Variants in CDYL observed in about 807,000 individuals in gnomAD.
CDYL encodes chromodomain Y like, also known as chromodomain Y-like protein.
Under a neutral mutation model 47.3 loss-of-function variants are expected in CDYL, and 8 were observed. That is an observed-to-expected ratio of 0.17 (90% CI 0.10 to 0.31). The LOEUF is 0.31. CDYL is among the 10% of genes least tolerant of loss of function. The pLI is 1.00. For synonymous variants in CDYL, 266 were observed against 265.0 expected, an observed-to-expected ratio of 1.00 and a Z score of -0.04; for missense variants, 471 against 701.4, an observed-to-expected ratio of 0.67 and a Z score of 3.71.
intron 1 of CDYL, among the ~76,000 whole-genome samples, chr6:4,713,354 GTC>G (rs1757187281): frequency 6.6e-6 from 1 of 152,026 alleles, no homozygotes; most frequent in African/African-American, 2.4e-5. Flanking sequence ...AGCTAGAAAG[GTC>G]CCCAAGACGC....
At chr6:4,758,349 T>TAAAAAA (rs1274065342) in intron 3 of CDYL, among the ~76,000 whole-genome samples, 4 of 47,394 alleles carry the variant, frequency 8.4e-5, no homozygotes, top group African/African-American at 1.4e-4. Context: ...TGAAAATAAA[T>TAAAAAA]AAATATATAT....
chr6:4,920,001 A>T (rs1034960674), intron 2 of CDYL, among the ~76,000 whole-genome samples: 1 of 152,228 alleles, frequency 6.6e-6, no homozygotes, highest in East Asian at 1.9e-4. Context: ...TATCCGCAGA[A>T]TGGAATATGA....
intron 1 of CDYL, among the ~76,000 whole-genome samples, chr6:4,798,089 C>T (rs1280026956): frequency 1.3e-5 from 2 of 152,096 alleles, no homozygotes; most frequent in Non-Finnish European, 2.9e-5. Flanking sequence ...CCTCTCACCT[C>T]AGCCTCCTAG....
At chr6:4,747,602 C>G (rs1167906293) in intron 3 of CDYL, among the ~76,000 whole-genome samples, 2 of 152,068 alleles carry the variant, frequency 1.3e-5, no homozygotes, top group Non-Finnish European at 2.9e-5. Context: ...TCCTTTTTAC[C>G]TTAGAGAGCC....
chr6:4,870,755 C>G lies in CDYL; in HGVS notation c.25-20958C>G, dbSNP rs369432960. 1.1e-4 allele frequency among the ~76,000 whole-genome samples: 16 copies of G among 152,232 alleles called. No individual in the cohort carries two copies. In the East Asian group the frequency reaches 3.1e-3, roughly 29 times the overall value. ...TTGATCTCTCAAATGTTCACTGATT[C>G]TTTCTTCTGCCATTTCAAATCTACT... On this transcript the variant is annotated intron_variant, in intron 1 of 6. Transcript: ENST00000397588.
chr6:4,726,230 T>A (rs1757510127), intron 2 of CDYL, among the ~76,000 whole-genome samples: 1 of 152,024 alleles, frequency 6.6e-6, no homozygotes, highest in African/African-American at 2.4e-5. Context: ...GCAACATTTG[T>A]CTCTACAAGA....
At chr6:4,736,306 T>C (rs1757703231) in intron 3 of CDYL, among the ~76,000 whole-genome samples, 1 of 152,262 alleles carries the variant, frequency 6.6e-6, no homozygotes, top group African/African-American at 2.4e-5. Context: ...ACACGTGTGC[T>C]TTCTACTAGA....
At chr6:4,896,374 A>C (rs1762284116) in intron 2 of CDYL, among the ~76,000 whole-genome samples, 1 of 152,230 alleles carries the variant, frequency 6.6e-6, no homozygotes, top group Non-Finnish European at 1.5e-5. Flanking sequence ...TTGTTTTTCC[A>C]GACTAAATCG....
chr6:4,746,458 G>A (rs978233579), intron 3 of CDYL, among the ~76,000 whole-genome samples: 1 of 152,034 alleles, frequency 6.6e-6, no homozygotes, highest in African/African-American at 2.4e-5. Flanking sequence ...TCAAGGTAAT[G>A]CAGTGATGAA....
At chr6:4,879,128 T>C (rs879806842) in intron 1 of CDYL, among the ~76,000 whole-genome samples, 8 of 152,222 alleles carry the variant, frequency 5.3e-5, no homozygotes, top group Non-Finnish European at 1.2e-4. Flanking sequence ...TGGTCTATCA[T>C]TGTGAATATT....
chr6:4,843,319 T>C lies in CDYL; in HGVS notation c.25-48394T>C, dbSNP rs569636532. On this transcript the variant is annotated intron_variant, in intron 1 of 6. Coordinates refer to ENST00000397588, the MANE Select transcript of CDYL (RefSeq NM_004824.4). ...TAAGTGATGATCTTTTTGCAATAAA[T>C]TTCCCAGGTGTTCTTTGAGCTTCTC... Among the ~76,000 whole-genome samples the C allele has an allele frequency of 4.6e-5, 7 of 152,276 alleles. No homozygotes were observed. In the East Asian group the frequency reaches 1.4e-3, roughly 29 times the overall value.
chr6:4,733,322 C>T (rs1757642605), intron 2 of CDYL: 2 of 152,114 alleles, frequency 1.3e-5, no homozygotes, highest in African/African-American at 2.4e-5. Flanking sequence ...AGCCATGTCC[C>T]TGTTCCGCCA....
intron 2 of CDYL, among the ~76,000 whole-genome samples, chr6:4,725,813 G>A (rs1757502039): frequency 6.6e-6 from 1 of 152,268 alleles, no homozygotes; most frequent in Non-Finnish European, 1.5e-5. Context: ...AGGCCGAGGA[G>A]GCGCCGAGAG....
chr6:4,771,130 G>T (rs1032040342), intron 3 of CDYL, among the ~76,000 whole-genome samples: 2 of 151,658 alleles, frequency 1.3e-5, no homozygotes, highest in Admixed American at 1.3e-4. Flanking sequence ...TTTTTGGCGG[G>T]GGGGATGGAG....
chr6:4,953,150 G>A (rs1393201638), intron 6 of CDYL, among the ~76,000 whole-genome samples: 7 of 151,480 alleles, frequency 4.6e-5, no homozygotes, highest in African/African-American at 1.2e-4. Context: ...TTGGGAGGCC[G>A]AGGAGGGCAG....
At chr6:4,947,001 C>G (rs868308) in intron 5 of CDYL, among the ~76,000 whole-genome samples, 107,766 of 151,668 alleles carry the variant, frequency 0.71, 40,673 homozygotes, top group Non-Finnish European at 0.84. Context: ...AAATCAGTAT[C>G]GCAGGAGAGC....
intron 2 of CDYL, among the ~76,000 whole-genome samples, chr6:4,907,544 A>G (rs1581254922): frequency 6.6e-6 from 1 of 151,694 alleles, no homozygotes; most frequent in African/African-American, 2.4e-5. Flanking sequence ...TTTTGTAGGG[A>G]TGGGGTTTCA....
At position 4,762,499 on chromosome 6, in the gene CDYL, G is replaced by C. The variant is rs1263028244; in HGVS notation, c.186+27655G>C. Among the ~76,000 whole-genome samples the C allele has an allele frequency of 1.3e-5, 2 of 151,848 alleles. 1 individual carries two copies. Among genetic ancestry groups the C allele is most frequent in the South Asian group, 4.2e-4 (2 of 4,808 alleles). On this transcript the variant is annotated intron_variant, in intron 3 of 8. Coordinates refer to the CDYL transcript ENST00000328908. ...AGACCTACAGAGGCTACAGGTGTTA[G>C]AGTTTGCACACTGACTTCAAACTAA... is the stretch of plus-strand genomic sequence containing the variant.
chr6:4,816,404 AT>A (rs1759677866), intron 1 of CDYL, among the ~76,000 whole-genome samples: 1 of 151,198 alleles, frequency 6.6e-6, no homozygotes, highest in Non-Finnish European at 1.5e-5. Context: ...ACGAAGATTT[AT>A]TTTTATTTCC....
Sources: allele counts gnomAD v4.1 joint callset (sites outside exome capture counted in the v4.1 genomes callset), GRCh38; gene constraint gnomAD v4.1.1; transcripts MANE v1.5; gene names NCBI Gene and HGNC (gene_info 2026-07-23, HGNC 2026-07-21).